HRH1: variants seen among roughly 807,000 people sequenced by gnomAD.
HRH1 encodes histamine receptor H1, also known as histamine H1 receptor.
In HRH1, 6 loss-of-function variants were observed where a neutral mutation model predicts 10.3. The ratio of observed to expected loss-of-function variants is 0.58; its 90% CI spans 0.32 to 1.15. The LOEUF (loss-of-function observed/expected upper bound fraction) is 1.15. Ranked by LOEUF, HRH1 falls within the 50% of genes most tolerant of loss-of-function variation. HRH1 has a pLI of 0.05. For synonymous variants in HRH1, 242 were observed against 236.7 expected, an observed-to-expected ratio of 1.02 and a Z score of -0.21; for missense variants, 514 against 615.3, an observed-to-expected ratio of 0.84 and a Z score of 1.74.
chr3:11,236,952 C>A (rs946093175), intron 1 of HRH1, among the ~76,000 whole-genome samples: 8 of 152,192 alleles, frequency 5.3e-5, no homozygotes, highest in Non-Finnish European at 1.5e-5. Flanking sequence ...CCTGCCAGCT[C>A]TTTTATTTAG....
At chr3:11,193,957 G>A (rs767717689) in intron 1 of HRH1, among the ~76,000 whole-genome samples, 6 of 152,264 alleles carry the variant, frequency 3.9e-5, no homozygotes, top group African/African-American at 9.6e-5. Context: ...ATTTACTACA[G>A]TGATGAGTTG....
At chr3:11,220,311 G>A (rs144493613) in intron 1 of HRH1, among the ~76,000 whole-genome samples, 165 of 152,306 alleles carry the variant, frequency 1.1e-3, no homozygotes, top group South Asian at 5.8e-3. Context: ...CTGACTTGCT[G>A]TATAGTCTTG....
intron 1 of HRH1, among the ~76,000 whole-genome samples, chr3:11,219,546 C>G (rs1938628271): frequency 6.6e-6 from 1 of 151,876 alleles, no homozygotes; most frequent in African/African-American, 2.4e-5. Flanking sequence ...ACCCCCGTCT[C>G]TACTAAAAAT....
chr3:11,253,238 G>A (rs1939698527), intron 1 of HRH1: 1 of 152,148 alleles, frequency 6.6e-6, no homozygotes, highest in African/African-American at 2.4e-5. Flanking sequence ...TTAGGTTTAG[G>A]TCCCACTTCT....
At chr3:11,233,536 C>T (rs1939097230) in intron 1 of HRH1, among the ~76,000 whole-genome samples, 1 of 152,152 alleles carries the variant, frequency 6.6e-6, no homozygotes, top group Non-Finnish European at 1.5e-5. Context: ...AAGAACATTG[C>T]ACCTGACCAG....
chr3:11,211,058 G>T (rs1938311544), intron 1 of HRH1, among the ~76,000 whole-genome samples: 1 of 152,216 alleles, frequency 6.6e-6, no homozygotes, highest in Non-Finnish European at 1.5e-5. Flanking sequence ...GATGGATTAA[G>T]GCAGATGATA....
chr3:11,156,867 T>A (rs73128501), intron 1 of HRH1, among the ~76,000 whole-genome samples: 1 of 152,156 alleles, frequency 6.6e-6, no homozygotes, highest in Non-Finnish European at 1.5e-5. Flanking sequence ...TGTTTTCTCA[T>A]CTGTAAAGTG....
At chr3:11,218,309 G>T (rs540669823) in intron 1 of HRH1, among the ~76,000 whole-genome samples, 1 of 151,816 alleles carries the variant, frequency 6.6e-6, no homozygotes, top group African/African-American at 2.4e-5. Flanking sequence ...TTAGCCAGGC[G>T]TGGTGGCAGG....
intron 1 of HRH1, among the ~76,000 whole-genome samples, chr3:11,245,856 G>A (rs1233609672): frequency 6.6e-6 from 1 of 151,976 alleles, no homozygotes; most frequent in Admixed American, 6.6e-5. Flanking sequence ...TACTTTAAAG[G>A]TGAGTAAACT....
intron 1 of HRH1, among the ~76,000 whole-genome samples, chr3:11,219,847 A>G (rs1938643530): frequency 6.6e-6 from 1 of 151,784 alleles, no homozygotes; most frequent in Non-Finnish European, 1.5e-5. Flanking sequence ...TCCTAAGATG[A>G]CCTTAAATTG....
intron 1 of HRH1, among the ~76,000 whole-genome samples, chr3:11,233,862 T>C (rs1003973157): frequency 1.3e-5 from 2 of 152,272 alleles, no homozygotes; most frequent in Non-Finnish European, 2.9e-5. Context: ...ATTACTTGTA[T>C]TATTTCCCCA....
chr3:11,231,282 A>G lies in HRH1; in HGVS notation c.-35-27721A>G, dbSNP rs181994469. Among the ~76,000 whole-genome samples, 417 of 152,300 alleles carry G rather than the reference A, an allele frequency of 2.7e-3. 2 individuals carry two copies. The highest frequency in any genetic ancestry group is 9.5e-3 in the African/African-American group (396 of 41,556). On this transcript the variant is annotated intron_variant, in intron 1 of 1. Coordinates refer to ENST00000431010, the MANE Select transcript of HRH1 (RefSeq NM_001098212.2). ...CCAGCATTGAGCTATTATGAATAAA[A>G]CTGCTATAAGCATTCATGTTCAGTT...
upstream of HRH1, among the ~76,000 whole-genome samples, chr3:11,151,498 TG>T (rs1015612472): frequency 5.9e-5 from 8 of 135,568 alleles, no homozygotes; most frequent in Middle Eastern, 0.011. Context: ...ATTCCTTTTT[TG>T]GGGGGGCGGT....
At chr3:11,166,336 C>T (rs914268489) in intron 1 of HRH1, among the ~76,000 whole-genome samples, 1 of 152,236 alleles carries the variant, frequency 6.6e-6, no homozygotes, top group Non-Finnish European at 1.5e-5. Flanking sequence ...GTTCCCCGGT[C>T]CATGCACATA....
intron 1 of HRH1, among the ~76,000 whole-genome samples, chr3:11,163,729 A>C (rs1936972977): frequency 6.6e-6 from 1 of 152,180 alleles, no homozygotes; most frequent in African/African-American, 2.4e-5. Context: ...ACATATAATC[A>C]TAGGTCACAT....
chr3:11,218,886 A>C (rs1305112244), intron 1 of HRH1, among the ~76,000 whole-genome samples: 3 of 139,620 alleles, frequency 2.1e-5, no homozygotes, highest in Non-Finnish European at 3.1e-5. Context: ...TTGTTTATTT[A>C]CTTATTTATT....
intron 1 of HRH1, among the ~76,000 whole-genome samples, chr3:11,216,591 A>G (rs114728038): frequency 0.022 from 3,299 of 152,314 alleles, 59 homozygotes; most frequent in Non-Finnish European, 0.036. Flanking sequence ...GGAGACAGAA[A>G]GTGGAGACCA....
At chr3:11,231,634 C>T (rs1939043561) in intron 1 of HRH1, among the ~76,000 whole-genome samples, 1 of 152,192 alleles carries the variant, frequency 6.6e-6, no homozygotes, top group African/African-American at 2.4e-5. Flanking sequence ...TCTGTATCAT[C>T]TGTTTGATGA....
At chr3:11,181,853 G>T (rs145814095) in intron 1 of HRH1, among the ~76,000 whole-genome samples, 2,853 of 152,000 alleles carry the variant, frequency 0.019, 33 homozygotes, top group Middle Eastern at 0.044. Flanking sequence ...GGATGGTCTC[G>T]ATCTCCTGAC....
Sources: gnomAD v4.1 joint callset for allele counts (sites outside exome capture counted in the v4.1 genomes callset) on GRCh38, gnomAD v4.1.1 for gene constraint, MANE v1.5 for transcripts, NCBI Gene and HGNC (gene_info 2026-07-23, HGNC 2026-07-21) for gene names.